CFAP299: variants seen among roughly 807,000 people sequenced by gnomAD.
The protein encoded by CFAP299 is cilia- and flagella-associated protein 299.
Under a neutral mutation model 27.0 loss-of-function variants are expected in CFAP299, and 21 were observed. The ratio of observed to expected loss-of-function variants is 0.78; its 90% CI spans 0.55 to 1.12. CFAP299 has a LOEUF of 1.12. Ranked by LOEUF, CFAP299 falls within the 50% of genes most tolerant of loss-of-function variation. The pLI, the probability that CFAP299 is intolerant of heterozygous loss-of-function variation, is 0.00. For synonymous variants in CFAP299, 104 were observed against 98.1 expected (o/e 1.06, Z -0.36); for missense variants, 310 against 276.6 (o/e 1.12, Z -0.86).
chr4:80,907,741 C>T (rs1388164380), intron 4 of CFAP299, among the ~76,000 whole-genome samples: 2 of 152,178 alleles, frequency 1.3e-5, no homozygotes, highest in African/African-American at 4.8e-5. Context: ...TATCGGGTCC[C>T]TCTCACAACA....
chr4:80,877,349 T>C (rs1039826934), intron 4 of CFAP299, among the ~76,000 whole-genome samples: 1 of 152,214 alleles, frequency 6.6e-6, no homozygotes, highest in Non-Finnish European at 1.5e-5. Context: ...CCAAAAGCCA[T>C]ATACTGTGCA....
chr4:80,757,941 G>A (rs1334598093), intron 3 of CFAP299, among the ~76,000 whole-genome samples: 1 of 152,108 alleles, frequency 6.6e-6, no homozygotes, highest in African/African-American at 2.4e-5. Context: ...GCAGGTGAAG[G>A]AGCTGGAGCA....
intron 5 of CFAP299, among the ~76,000 whole-genome samples, chr4:80,950,025 G>A (rs564643171): frequency 6.6e-6 from 1 of 152,234 alleles, no homozygotes; most frequent in South Asian, 2.1e-4. Flanking sequence ...TTGAGTTGAT[G>A]CTTTCAATAT....
At chr4:80,458,686 G>C (rs1729290423) in intron 2 of CFAP299, among the ~76,000 whole-genome samples, 1 of 152,130 alleles carries the variant, frequency 6.6e-6, no homozygotes. Flanking sequence ...GAATACTATG[G>C]ATGTGACATT....
chr4:80,849,236 C>T (rs1264552187), intron 3 of CFAP299, among the ~76,000 whole-genome samples: 1 of 151,914 alleles, frequency 6.6e-6, no homozygotes, highest in Non-Finnish European at 1.5e-5. Context: ...CAAAACTAGC[C>T]TACACCGGGT....
intron 5 of CFAP299, among the ~76,000 whole-genome samples, chr4:80,953,134 G>A (rs376636779): frequency 6.6e-6 from 1 of 152,090 alleles, no homozygotes; most frequent in Admixed American, 6.5e-5. Context: ...TATGGCTTCC[G>A]CAACGTCTCA....
At chr4:80,856,058 T>C (rs1470461005) in intron 3 of CFAP299, among the ~76,000 whole-genome samples, 9 of 151,132 alleles carry the variant, frequency 6.0e-5, no homozygotes, top group Admixed American at 5.9e-4. Flanking sequence ...CCACATCCTC[T>C]CCAGCACCTG....
At chr4:80,525,443 C>T (rs549928174) in intron 2 of CFAP299, among the ~76,000 whole-genome samples, 1 of 152,136 alleles carries the variant, frequency 6.6e-6, no homozygotes, top group Non-Finnish European at 1.5e-5. Context: ...CTTACTTCAA[C>T]AATAGAAGAA....
chr4:80,568,570 A>C (rs1419128981), intron 2 of CFAP299, among the ~76,000 whole-genome samples: 1 of 152,082 alleles, frequency 6.6e-6, no homozygotes, highest in Non-Finnish European at 1.5e-5. Context: ...TTCTCTTAAG[A>C]TAGTGAATAT....
In CFAP299 at chr4:80,799,606, T is replaced by A. The variant is rs1399536563; in HGVS notation, c.334-70387T>A. On this transcript the variant is annotated intron_variant, in intron 3 of 5. Coordinates refer to ENST00000358105, the MANE Select transcript of CFAP299 (RefSeq NM_152770.3). Reference sequence around the variant, plus strand: ...AATATATTATATAAAATATATATTTTATATATTATATATTTATAAATATAT... The same window carrying A: ...AATATATTATATAAAATATATATTTAATATATTATATATTTATAAATATAT... 1.2e-4 allele frequency among the ~76,000 whole-genome samples: 6 copies of A among 49,514 alleles called. 1 individual carries two copies. The highest frequency in any genetic ancestry group is 1.6e-4 in the Non-Finnish European group (5 of 30,684). The allele number at this position is 49,514 out of a possible 152,430, so 32.5% of individuals were successfully genotyped here. A position where few individuals can be genotyped will look rare whatever the true frequency, so the allele number is the denominator to read the frequency against.
At chr4:80,633,257 G>GTGGTCT (rs1286955031) in intron 3 of CFAP299, among the ~76,000 whole-genome samples, 1 of 152,096 alleles carries the variant, frequency 6.6e-6, no homozygotes, top group East Asian at 1.9e-4. Context: ...GACCAGCCTG[G>GTGGTCT]CAAGCATGGT....
rs144615985 is a variant in CFAP299 at position 80,678,920 on chromosome 4, C to T, written c.333+95737C>T. On this transcript the variant is annotated intron_variant, in intron 3 of 5. Coordinates refer to ENST00000358105, the MANE Select transcript of CFAP299 (RefSeq NM_152770.3). ...ATCTACTGGTAACTAGACTACAAAC[C>T]TTGCTCAGTTTTCACAAGTTGCTAC... is the stretch of plus-strand genomic sequence containing the variant. 2.4e-3 allele frequency among the ~76,000 whole-genome samples: 366 copies of T among 152,138 alleles called. 1 individual carries two copies. Among genetic ancestry groups the T allele is most frequent in the African/African-American group, 8.4e-3 (348 of 41,542 alleles).
At chr4:80,891,024 G>A (rs1357850372) in intron 4 of CFAP299, among the ~76,000 whole-genome samples, 1 of 151,994 alleles carries the variant, frequency 6.6e-6, no homozygotes, top group East Asian at 1.9e-4. Flanking sequence ...TGTTCACTCT[G>A]ACGGTAGTTT....
intron 3 of CFAP299, among the ~76,000 whole-genome samples, chr4:80,631,936 T>G (rs997845500): frequency 7.2e-6 from 1 of 139,588 alleles, no homozygotes; most frequent in Non-Finnish European, 1.5e-5. Flanking sequence ...TGAGGCATTT[T>G]GGGAGTTAAG....
At chr4:80,855,159 T>C (rs188832156) in intron 3 of CFAP299, among the ~76,000 whole-genome samples, 81 of 152,148 alleles carry the variant, frequency 5.3e-4, no homozygotes, top group Non-Finnish European at 2.2e-4. Flanking sequence ...TAGATATTTG[T>C]TTTAGAAATT....
chr4:80,850,103 G>A (rs1333721689), intron 3 of CFAP299, among the ~76,000 whole-genome samples: 3 of 152,050 alleles, frequency 2.0e-5, no homozygotes, highest in African/African-American at 7.2e-5. Flanking sequence ...TTTAATCATA[G>A]CTAGGGAATA....
intron 2 of CFAP299, among the ~76,000 whole-genome samples, chr4:80,410,258 G>A (rs1726655618): frequency 6.6e-6 from 1 of 152,176 alleles, no homozygotes; most frequent in Non-Finnish European, 1.5e-5. Context: ...ACTGAAACAG[G>A]TAACCAAGGA....
At chr4:80,579,802 A>G (rs147567986) in intron 2 of CFAP299, among the ~76,000 whole-genome samples, 1,965 of 152,214 alleles carry the variant, frequency 0.013, 23 homozygotes, top group Middle Eastern at 0.031. Flanking sequence ...AAATATATAG[A>G]TACATTGTAG....
At chr4:80,589,090 A>G (rs906271550) in intron 3 of CFAP299, among the ~76,000 whole-genome samples, 9 of 152,346 alleles carry the variant, frequency 5.9e-5, no homozygotes, top group Middle Eastern at 3.4e-3. Context: ...GAAGTATCAG[A>G]TAAAACTGAT....
Sources: allele counts gnomAD v4.1 joint callset (sites outside exome capture counted in the v4.1 genomes callset), GRCh38; gene constraint gnomAD v4.1.1; transcripts MANE v1.5; gene names NCBI Gene and HGNC (gene_info 2026-07-23, HGNC 2026-07-21).